VRK1: variants seen among roughly 807,000 people sequenced by gnomAD.
VRK1 encodes the protein VRK serine/threonine kinase 1, also known as serine/threonine-protein kinase VRK1.
In VRK1, 33 loss-of-function variants were observed where a neutral mutation model predicts 57.1. That is an observed-to-expected ratio of 0.58 (90% confidence interval 0.44 to 0.77). The LOEUF is 0.77. Among genes scored for constraint, VRK1 ranks in the 30% least tolerant of loss-of-function variants. VRK1 has a pLI of 0.00. For missense variants in VRK1, 413 were observed against 477.3 expected (o/e 0.87, Z 1.25); for synonymous variants, 137 against 147.8 (o/e 0.93, Z 0.53).
chr14:96,800,702 G>T (rs891051585), intron 1 of VRK1, among the ~76,000 whole-genome samples: 28 of 151,934 alleles, frequency 1.8e-4, no homozygotes, highest in African/African-American at 6.5e-4. Context: ...TGGGTTTCTT[G>T]CCCATAGGAT....
intron 1 of VRK1, among the ~76,000 whole-genome samples, chr14:96,827,768 T>G (rs573027731): frequency 8.6e-5 from 13 of 151,526 alleles, no homozygotes; most frequent in African/African-American, 3.2e-4. Context: ...TTTAATTGAT[T>G]GTTTGTTTTC....
chr14:96,824,735 G>A (rs1595653673), intron 1 of VRK1, among the ~76,000 whole-genome samples: 1 of 149,602 alleles, frequency 6.7e-6, no homozygotes, highest in Admixed American at 6.7e-5. Context: ...CTCACTGCAA[G>A]CTCTGCCTCC....
chr14:96,846,058 A>C, intron 3 of VRK1, 37 bp from the exon 4 acceptor site: 1 of 1,549,002 alleles, frequency 6.5e-7, no homozygotes. Flanking sequence ...CAGTAATTTT[A>C]ACTACTGCTA....
intron 1 of VRK1, among the ~76,000 whole-genome samples, chr14:96,810,897 A>G (rs1322557528): frequency 6.6e-6 from 1 of 151,688 alleles, no homozygotes; most frequent in Non-Finnish European, 1.5e-5. Flanking sequence ...AGTTTTATTG[A>G]TCACGTTGGC....
intron 2 of VRK1, among the ~76,000 whole-genome samples, chr14:96,835,042 T>G (rs1595661669): frequency 6.6e-6 from 1 of 152,342 alleles, no homozygotes; most frequent in East Asian, 1.9e-4. Context: ...TATCTGTATT[T>G]ATCATCAAAA....
At chr14:96,821,441 A>AC (rs2139719981) in intron 1 of VRK1, among the ~76,000 whole-genome samples, 1 of 152,332 alleles carries the variant, frequency 6.6e-6, no homozygotes, top group South Asian at 2.1e-4. Context: ...TAAAGTTAAA[A>AC]AAAACAAAAC....
At chr14:96,809,596 G>A (rs1377620825) in intron 1 of VRK1, among the ~76,000 whole-genome samples, 1 of 132,250 alleles carries the variant, frequency 7.6e-6, no homozygotes, top group African/African-American at 2.9e-5. Context: ...TTTCTGAAAC[G>A]AAGTCTCCCT....
chr14:96,832,036 T>C (rs1887025087), intron 1 of VRK1, among the ~76,000 whole-genome samples: 1 of 152,210 alleles, frequency 6.6e-6, no homozygotes, highest in Non-Finnish European at 1.5e-5. Context: ...GAGACACTTT[T>C]ATTTATTTTG....
In VRK1 at chr14:96,864,523, A is replaced by G. The variant is rs79661341; in HGVS notation, c.1068+3788A>G. On this transcript the variant is annotated intron_variant, in intron 11 of 12. Coordinates refer to ENST00000216639, the MANE Select transcript of VRK1 (RefSeq NM_003384.3). ...ACCGTAATTTATTGATGGACATTCA[A>G]ATTGTTCCAGTTTCCGGCAGTTGTG... is the stretch of plus-strand genomic sequence containing the variant. 7.7e-3 allele frequency among the ~76,000 whole-genome samples: 1,168 copies of G among 152,288 alleles called. 19 individuals carry two copies. The highest frequency in any genetic ancestry group is 0.027 in the African/African-American group (1,107 of 41,550).
At chr14:96,855,449 A>T in intron 8 of VRK1, 93 bp downstream of exon 8, 2 of 1,589,720 alleles carry the variant, frequency 1.3e-6, no homozygotes, top group Non-Finnish European at 1.7e-6. Context: ...AAATGAATAG[A>T]TAAATAAAAA....
At chr14:96,812,877 T>A (rs1490544679) in intron 1 of VRK1, among the ~76,000 whole-genome samples, 1 of 152,146 alleles carries the variant, frequency 6.6e-6, no homozygotes, top group Non-Finnish European at 1.5e-5. Flanking sequence ...TGAACTCTGC[T>A]CCTTTTCCTA....
chr14:96,877,607 A>G, intron 12 of VRK1: 1 of 1,287,488 alleles, frequency 7.8e-7, no homozygotes, highest in Non-Finnish European at 1.0e-6. Flanking sequence ...GTATTTATAA[A>G]TATACAGCAA....
intron 1 of VRK1, among the ~76,000 whole-genome samples, chr14:96,826,853 A>G (rs1886815906): frequency 1.3e-5 from 2 of 152,232 alleles, no homozygotes; most frequent in African/African-American, 4.8e-5. Flanking sequence ...CCTGAAAAGC[A>G]ACAAGGAGAT....
At chr14:96,840,055 G>T (rs555558468) in intron 3 of VRK1, among the ~76,000 whole-genome samples, 1 of 152,048 alleles carries the variant, frequency 6.6e-6, no homozygotes, top group Non-Finnish European at 1.5e-5. Context: ...TTGGTCTTTC[G>T]TTTTTTTCCC....
intron 12 of VRK1, among the ~76,000 whole-genome samples, chr14:96,876,588 C>T (rs1046796605): frequency 6.6e-6 from 1 of 152,140 alleles, no homozygotes; most frequent in Admixed American, 6.5e-5. Flanking sequence ...AATGTCTTTC[C>T]ACTTCCTCAC....
intron 1 of VRK1, among the ~76,000 whole-genome samples, chr14:96,800,886 T>C (rs1025616090): frequency 6.6e-6 from 1 of 151,850 alleles, no homozygotes; most frequent in Admixed American, 6.6e-5. Flanking sequence ...CAAATTAAAT[T>C]TGAGATTTGG....
chr14:96,813,538 C>G (rs2139701432), intron 1 of VRK1, among the ~76,000 whole-genome samples: 1 of 152,004 alleles, frequency 6.6e-6, no homozygotes, highest in African/African-American at 2.4e-5. Context: ...ATTAAAAAAA[C>G]AAAACTTTTC....
chr14:96,819,195 G>C (rs1886503492), intron 1 of VRK1, among the ~76,000 whole-genome samples: 1 of 152,154 alleles, frequency 6.6e-6, no homozygotes, highest in Non-Finnish European at 1.5e-5. Context: ...ATATAAATGA[G>C]TCATTTTGTC....
chr14:96,816,253 A>G (rs1415769381), intron 1 of VRK1, among the ~76,000 whole-genome samples: 1 of 152,138 alleles, frequency 6.6e-6, no homozygotes, highest in East Asian at 1.9e-4. Flanking sequence ...ACCTTCAACA[A>G]AGTTTCTCAG....
Sources: allele counts gnomAD v4.1 joint callset (sites outside exome capture counted in the v4.1 genomes callset), GRCh38; gene constraint gnomAD v4.1.1; transcripts MANE v1.5; gene names NCBI Gene and HGNC (gene_info 2026-07-23, HGNC 2026-07-21).